TUB: variants seen among roughly 807,000 people sequenced by gnomAD.
TUB encodes TUB bipartite transcription factor.
In TUB, 33 loss-of-function variants were observed where a neutral mutation model predicts 59.7. That is an observed-to-expected ratio of 0.55 (90% CI 0.42 to 0.74). The LOEUF (loss-of-function observed/expected upper bound fraction) is 0.74, where lower values mean the gene tolerates loss of function less well. TUB is among the 30% of genes least tolerant of loss of function. The pLI, the probability that TUB is intolerant of heterozygous loss-of-function variation, is 0.00. For synonymous variants in TUB, 293 were observed against 256.4 expected, an observed-to-expected ratio of 1.14 and a Z score of -1.36; for missense variants, 659 against 672.0, an observed-to-expected ratio of 0.98 and a Z score of 0.21.
chr11:8,089,542 G>A, intron 1 of TUB, 68 bp from the exon 2 acceptor site: 1 of 1,587,166 alleles, frequency 6.3e-7, no homozygotes, highest in Non-Finnish European at 8.6e-7. Flanking sequence ...TATGCTGGGG[G>A]TGGGCTCTGG....
intron 2 of TUB, among the ~76,000 whole-genome samples, chr11:8,049,821 A>G (rs1311977948): frequency 6.6e-6 from 1 of 152,110 alleles, no homozygotes; most frequent in Non-Finnish European, 1.5e-5. Flanking sequence ...ATTAATTTTC[A>G]TCTTTAAATT....
intron 9 of TUB, among the ~76,000 whole-genome samples, chr11:8,100,075 AG>A (rs1297310931): frequency 6.6e-6 from 1 of 152,160 alleles, no homozygotes; most frequent in Non-Finnish European, 1.5e-5. Flanking sequence ...AAGGAGGAAT[AG>A]GAGGGCCAAC....
rs1944038804 is a variant in TUB, at chr11:8,097,268, C to T, written c.728C>T (p.Pro243Leu). ...CCTAGCCCAACAGCTCCAGAGCAAC[C>T]AGTGGACGTTGAGGTCCAGGATCTT... ...SAPSPTAPEQ[P>L]VDVEVQDLEE... is the part of the protein sequence containing the mutation. Residue 243 changes from proline to leucine, a missense_variant, in exon 7 of 12, where the codon CCA becomes CTA. Around this residue, in one of 3 missense-constraint regions of TUB, gnomAD observed 112 missense variants for 156.9 expected, o/e 0.71. Coordinates refer to ENST00000299506, the MANE Select transcript of TUB (RefSeq NM_177972.3). 1.9e-6 allele frequency: 3 copies of T among 1,614,186 alleles called. No individual in the cohort carries two copies. The Admixed American group carries it at 5.0e-5, about 27-fold the overall frequency.
exon 1 of TUB, chr11:8,038,787 A>G: frequency 6.5e-7 from 1 of 1,545,616 alleles, no homozygotes. Context: ...TACTGAGGCG[A>G]ATACAGGGAA....
upstream of TUB, chr11:8,077,155 C>T (rs1943463731): frequency 6.6e-6 from 1 of 152,228 alleles, no homozygotes; most frequent in African/African-American, 2.4e-5. Context: ...AGCCTTTCTC[C>T]CGCAATCCTC....
intron 1 of TUB, among the ~76,000 whole-genome samples, chr11:8,087,560 T>C (rs1365951003): frequency 6.6e-6 from 1 of 152,224 alleles, no homozygotes; most frequent in Non-Finnish European, 1.5e-5. Flanking sequence ...ACAGTTGGAT[T>C]CCAGACCCTG....
intron 2 of TUB, among the ~76,000 whole-genome samples, chr11:8,059,847 A>C (rs1265698237): frequency 6.6e-6 from 1 of 152,196 alleles, no homozygotes; most frequent in Non-Finnish European, 1.5e-5. Context: ...TTCCTGGAGC[A>C]GGCAGAACTG....
intron 2 of TUB, among the ~76,000 whole-genome samples, chr11:8,060,756 C>T (rs1203405010): frequency 1.3e-5 from 2 of 152,240 alleles, no homozygotes; most frequent in Non-Finnish European, 2.9e-5. Context: ...CTGATAACTA[C>T]TGGGCCAGAG....
intron 1 of TUB, among the ~76,000 whole-genome samples, chr11:8,083,080 T>A (rs989068222): frequency 6.6e-6 from 1 of 152,204 alleles, no homozygotes; most frequent in South Asian, 2.1e-4. Flanking sequence ...ACAGGTAGTT[T>A]CTGGAGGATC....
intron 2 of TUB, among the ~76,000 whole-genome samples, chr11:8,069,996 C>T (rs991346781): frequency 5.9e-5 from 9 of 152,192 alleles, no homozygotes; most frequent in East Asian, 1.9e-4. Context: ...CATGCTCTCA[C>T]GGGAAAATGG....
At chr11:8,090,783 T>G (rs555561456) in intron 3 of TUB, among the ~76,000 whole-genome samples, 1 of 151,782 alleles carries the variant, frequency 6.6e-6, no homozygotes, top group Non-Finnish European at 1.5e-5. Context: ...CAGAGCCCAG[T>G]TGGGAGAAAT....
intron 1 of TUB, among the ~76,000 whole-genome samples, chr11:8,029,240 T>C (rs1413299834): frequency 1.3e-5 from 2 of 152,176 alleles, no homozygotes; most frequent in Admixed American, 6.5e-5. Flanking sequence ...GTTAGGTTTT[T>C]GTTGAGTTGA....
chr11:8,077,282 T>C (rs1240180897), upstream of TUB: 1 of 152,228 alleles, frequency 6.6e-6, no homozygotes, highest in East Asian at 1.9e-4. Flanking sequence ...GTCTATAGGA[T>C]ATTTCCAAAT....
chr11:8,099,865 C>A (rs1292957693), intron 9 of TUB, among the ~76,000 whole-genome samples: 1 of 152,118 alleles, frequency 6.6e-6, no homozygotes, highest in Non-Finnish European at 1.5e-5. Flanking sequence ...GAATGCCTGG[C>A]ATGAAGAAGG....
At position 8,101,829 on chromosome 11, in the gene TUB, TGAAGGGATGAGAA is replaced by T; in HGVS notation, c.*211_*223del. The T allele has an allele frequency of 1.4e-6, 1 of 720,860 alleles. No individual in the cohort carries two copies. Among genetic ancestry groups the T allele is most frequent in the Non-Finnish European group, 2.2e-6 (1 of 457,242 alleles). 44.7% of individuals were successfully genotyped at this position (720,860 alleles called of 1,614,324 possible). On this transcript the variant is annotated 3_prime_UTR_variant, in exon 12 of 12. Transcript: ENST00000299506. The stretch of plus-strand genomic sequence containing the variant: ...GTAGTGGAGAGCGGGTGGGTGGGTG[TGAAGGGATGAGAA>T]TAATTCTTTCCATGCCACGAGATCA...
intron 2 of TUB, 86 bp from the exon 3 acceptor site, chr11:8,089,983 C>G: frequency 6.8e-7 from 1 of 1,465,180 alleles, no homozygotes; most frequent in Non-Finnish European, 9.0e-7. Context: ...GGCCTTGGCC[C>G]AAGGTGGGCT....
chr11:8,079,807 T>C (rs1943511627), upstream of TUB, among the ~76,000 whole-genome samples: 1 of 152,114 alleles, frequency 6.6e-6, no homozygotes, highest in South Asian at 2.1e-4. Context: ...GAATGCTAGC[T>C]TCATCATTGA....
chr11:8,080,311 G>A (rs1358999634), upstream of TUB, among the ~76,000 whole-genome samples: 1 of 152,232 alleles, frequency 6.6e-6, no homozygotes, highest in Non-Finnish European at 1.5e-5. Flanking sequence ...AGGCCTTGGT[G>A]ACCCCTCAGC....
intron 1 of TUB, among the ~76,000 whole-genome samples, chr11:8,029,384 C>CT (rs1942539490): frequency 8.5e-6 from 1 of 118,338 alleles, no homozygotes; most frequent in Non-Finnish European, 1.6e-5. Context: ...CTTTTTCTTT[C>CT]TTTCTTTTTT....
Sources: gnomAD v4.1 joint callset for allele counts (sites outside exome capture counted in the v4.1 genomes callset) on GRCh38, gnomAD v4.1.1 for gene constraint, gnomAD v4.1.1 regional missense constraint, MANE v1.5 for transcripts, NCBI Gene and HGNC (gene_info 2026-07-23, HGNC 2026-07-21) for gene names.